RELCH: variants seen among roughly 807,000 people sequenced by gnomAD.
The protein encoded by RELCH is RAB11 binding and LisH domain, coiled-coil and HEAT repeat containing.
A neutral mutation model predicts 150.3 loss-of-function variants in RELCH; 41 were observed. That is an observed-to-expected ratio of 0.27 (90% CI 0.21 to 0.35). The LOEUF is 0.35. RELCH is among the 10% of genes least tolerant of loss of function. RELCH has a pLI of 1.00. For synonymous variants in RELCH, 478 were observed against 531.8 expected (o/e 0.90, Z 1.39); for missense variants, 1,092 against 1,467.8 (o/e 0.74, Z 4.18).
At chr18:62,254,042 C>T (rs536077524) in intron 12 of RELCH, among the ~76,000 whole-genome samples, 142 of 152,194 alleles carry the variant, frequency 9.3e-4, no homozygotes, top group African/African-American at 3.2e-3. Flanking sequence ...TGCTTGAATT[C>T]GGTTCTCCTC....
chr18:62,282,187 G>T, intron 24 of RELCH, 119 bp from the exon 25 acceptor site: 1 of 699,418 alleles, frequency 1.4e-6, no homozygotes, highest in Non-Finnish European at 2.4e-6. Flanking sequence ...TACTGTCATT[G>T]GACTATAGGT....
rs538379866 is a variant in RELCH at position 62,208,277 on chromosome 18, C to T, written c.527-2876C>T. ...TTCTTTATATCATGTAGATATGGCCCTTAACAGATACTTGATTTGCACGTA... is the reference window on the plus strand; with the variant it reads ...TTCTTTATATCATGTAGATATGGCCTTTAACAGATACTTGATTTGCACGTA... On this transcript the variant is annotated intron_variant, in intron 1 of 28. Transcript: ENST00000644646. Among the ~76,000 whole-genome samples the T allele has an allele frequency of 8.9e-4, 135 of 151,166 alleles. 2 individuals carry two copies. The South Asian group carries it at 0.02, about 22-fold the overall frequency.
intron 22 of RELCH, chr18:62,277,876 TA>T: frequency 1.1e-6 from 1 of 929,826 alleles, no homozygotes; most frequent in Non-Finnish European, 1.3e-6. Flanking sequence ...ATTTTAATCA[TA>T]AGGAAATTGA....
chr18:62,283,934 T>A (rs894161685), intron 25 of RELCH, among the ~76,000 whole-genome samples: 1 of 152,142 alleles, frequency 6.6e-6, no homozygotes, highest in Non-Finnish European at 1.5e-5. Context: ...GGGTCTTTGG[T>A]GTGTGCAGTG....
chr18:62,238,817 T>C (rs960260306), intron 10 of RELCH, among the ~76,000 whole-genome samples: 8 of 152,076 alleles, frequency 5.3e-5, no homozygotes, highest in Admixed American at 2.6e-4. Context: ...AGATGAAACA[T>C]ATCTCAATAA....
At chr18:62,236,441 G>A (rs747530504) in intron 10 of RELCH, among the ~76,000 whole-genome samples, 1 of 151,712 alleles carries the variant, frequency 6.6e-6, no homozygotes, top group African/African-American at 2.4e-5. Flanking sequence ...TTGGTATTTG[G>A]TATTGGTTTT....
intron 10 of RELCH, among the ~76,000 whole-genome samples, chr18:62,238,688 G>A (rs192802884): frequency 2.6e-5 from 4 of 151,994 alleles, no homozygotes; most frequent in Admixed American, 6.6e-5. Context: ...ACTTAATGGA[G>A]ACCAGCTTTC....
rs536177420 is a variant in RELCH, at chr18:62,307,836, G to T, written c.*2302G>T. 2 of 152,262 alleles carry T rather than the reference G, an allele frequency of 1.3e-5. No homozygotes were observed. The highest frequency in any genetic ancestry group is 6.5e-5 in the Admixed American group (1 of 15,296). 9.4% of individuals were successfully genotyped at this position (152,262 alleles called of 1,614,324 possible). On this transcript the variant is annotated 3_prime_UTR_variant, in exon 29 of 29. Transcript: ENST00000644646. ...TAAATTTTTTCAGAAATCCAGAAGTGCCATAATTACTAATTTAGCTGAATT... is the reference window on the plus strand; with the variant it reads ...TAAATTTTTTCAGAAATCCAGAAGTTCCATAATTACTAATTTAGCTGAATT...
At chr18:62,287,573 T>G in intron 26 of RELCH, 106 bp downstream of exon 26, 1 of 704,228 alleles carries the variant, frequency 1.4e-6, no homozygotes, top group Non-Finnish European at 2.5e-6. Context: ...CAACTTACAT[T>G]AAGCGTTGTA....
intron 16 of RELCH, among the ~76,000 whole-genome samples, chr18:62,263,047 C>T (rs937187410): frequency 6.6e-6 from 1 of 151,940 alleles, no homozygotes; most frequent in Non-Finnish European, 1.5e-5. Flanking sequence ...GTTTCTGTGT[C>T]CAGATTTTCC....
chr18:62,266,510 AT>A (rs1469757520), intron 18 of RELCH, among the ~76,000 whole-genome samples, 190 bp from the exon 19 acceptor site: 1 of 151,900 alleles, frequency 6.6e-6, no homozygotes, highest in Non-Finnish European at 1.5e-5. Context: ...TAAAGTTTTT[AT>A]TTTCATTAAT....
intron 9 of RELCH, among the ~76,000 whole-genome samples, chr18:62,232,106 T>G (rs889502883): frequency 4.6e-5 from 7 of 151,976 alleles, no homozygotes; most frequent in African/African-American, 1.4e-4. Context: ...AATGGTATTT[T>G]AAATCTGTTT....
intron 26 of RELCH, among the ~76,000 whole-genome samples, chr18:62,291,112 A>T (rs966384281): frequency 6.6e-6 from 1 of 152,190 alleles, no homozygotes; most frequent in African/African-American, 2.4e-5. Flanking sequence ...ATCGTTTACA[A>T]TTGTCTTATA....
At chr18:62,253,774 A>G (rs141510227) in intron 12 of RELCH, among the ~76,000 whole-genome samples, 104 of 152,292 alleles carry the variant, frequency 6.8e-4, no homozygotes, top group South Asian at 4.1e-3. Context: ...CCCTTATACC[A>G]TCTATAAATT....
rs193238056 is a variant in RELCH at position 62,223,922 on chromosome 18, T to C, written c.858+2425T>C. On this transcript the variant is annotated intron_variant, in intron 5 of 28. Coordinates refer to ENST00000644646, the MANE Select transcript of RELCH (RefSeq NM_001346231.2). Reference sequence around the variant, plus strand: ...AGAAATAGAGAGTCATTTCCCCAACTGATAGAGGACATTTATAGAAAACCT... The same window carrying C: ...AGAAATAGAGAGTCATTTCCCCAACCGATAGAGGACATTTATAGAAAACCT... Among the ~76,000 whole-genome samples, 147 of 152,274 alleles carry C rather than the reference T, an allele frequency of 9.7e-4. 1 individual carries two copies. Among genetic ancestry groups the C allele is most frequent in the African/African-American group, 3.4e-3 (143 of 41,584 alleles).
rs572726516 is a variant in RELCH, at chr18:62,262,686, C to T, written c.2350+1028C>T. On this transcript the variant is annotated intron_variant, in intron 16 of 28. Transcript: ENST00000644646. ...TCCCAGCTGGCCACTTCAGGTTCTA[C>T]CCCTTTACTCTTACTCATTTAGGCA... 3.3e-5 allele frequency among the ~76,000 whole-genome samples: 5 copies of T among 152,134 alleles called. No individual in the cohort carries two copies. The South Asian group carries it at 1.0e-3, about 31-fold the overall frequency.
At chr18:62,194,955 A>G (rs2038920521) in intron 1 of RELCH, among the ~76,000 whole-genome samples, 1 of 152,176 alleles carries the variant, frequency 6.6e-6, no homozygotes, top group Admixed American at 6.5e-5. Context: ...TTATCTCCCT[A>G]AAACTGTTGA....
chr18:62,247,340 A>G (rs1000084115), intron 11 of RELCH: 30 of 152,352 alleles, frequency 2.0e-4, no homozygotes, highest in African/African-American at 7.0e-4. Flanking sequence ...AGTGGCCTAA[A>G]AAAGAGGCAA....
At chr18:62,224,004 A>G (rs973824634) in intron 5 of RELCH, among the ~76,000 whole-genome samples, 22 of 152,200 alleles carry the variant, frequency 1.4e-4, no homozygotes, top group African/African-American at 5.3e-4. Context: ...GTTCTAGGGT[A>G]CATGTGCACA....
Sources: allele counts gnomAD v4.1 joint callset (sites outside exome capture counted in the v4.1 genomes callset), GRCh38; gene constraint gnomAD v4.1.1; transcripts MANE v1.5; gene names NCBI Gene and HGNC (gene_info 2026-07-23, HGNC 2026-07-21).